Variants in TRPC5 observed in about 807,000 individuals in gnomAD.
TRPC5 encodes short transient receptor potential channel 5.
Under a neutral mutation model 56.5 loss-of-function variants are expected in TRPC5, and 9 were observed. The observed-to-expected ratio is 0.16, with a 90% confidence interval of 0.10 to 0.28. TRPC5 has a LOEUF of 0.28. TRPC5 is among the 10% of genes least tolerant of loss of function. TRPC5 has a pLI of 1.00. For missense variants in TRPC5, 469 were observed against 748.9 expected (o/e 0.63, Z 4.36); for synonymous variants, 282 against 278.5 (o/e 1.01, Z -0.13).
intron 2 of TRPC5, 36 bp from the exon 3 acceptor site, chrX:111,912,848 A>G (rs200809082): frequency 9.3e-5 from 108 of 1,165,104 alleles, no homozygotes; most frequent in Non-Finnish European, 1.2e-4. Context: ...GAAGGGCAGG[A>G]TTAAAGTTTG....
chrX:111,914,476 C>T (rs1925916181), intron 2 of TRPC5, among the ~76,000 whole-genome samples: 3 of 111,871 alleles, frequency 2.7e-5, no homozygotes, highest in Non-Finnish European at 5.6e-5. Context: ...CCACCTTGCA[C>T]GCAGGATTCT....
chrX:111,979,947 T>A (rs755860144), intron 1 of TRPC5, among the ~76,000 whole-genome samples: 1 of 111,770 alleles, frequency 8.9e-6, no homozygotes, highest in Non-Finnish European at 1.9e-5. Flanking sequence ...ATGTACCGTA[T>A]GATCCAGTCT....
At chrX:111,949,931 C>T (rs143971848) in intron 2 of TRPC5, among the ~76,000 whole-genome samples, 3,289 of 111,531 alleles carry the variant, frequency 0.029, 134 homozygotes, top group African/African-American at 0.1. Flanking sequence ...ATTGCAAAAA[C>T]GTGGAACCAA....
chrX:111,862,835 ATCT>A (rs1923442978), intron 3 of TRPC5, among the ~76,000 whole-genome samples: 1 of 112,139 alleles, frequency 8.9e-6, no homozygotes, highest in Admixed American at 9.4e-5. Context: ...ACTTACGTAG[ATCT>A]TCTTTAGTTT....
At chrX:111,844,397 G>A (rs964220262) in intron 6 of TRPC5, among the ~76,000 whole-genome samples, 3 of 110,597 alleles carry the variant, frequency 2.7e-5, no homozygotes, top group African/African-American at 9.9e-5. Context: ...CAAGGACAAT[G>A]AGTTTCCCTT....
chrX:112,073,404 A>G (rs140873358), intron 1 of TRPC5, among the ~76,000 whole-genome samples: 2,483 of 105,655 alleles, frequency 0.024, 68 homozygotes, highest in African/African-American at 0.077. Context: ...TGAGTAGCTG[A>G]GACTACAGGC....
rs375073037 is a variant in TRPC5, at chrX:111,968,589, C to T, written c.-21-16148G>A. Reference sequence around the variant, plus strand: ...TGGAACCAACCCAAATGTCCAACAACGATAGACTGGATTAAGAAAATGTGG... The same window carrying T: ...TGGAACCAACCCAAATGTCCAACAATGATAGACTGGATTAAGAAAATGTGG... On this transcript the variant is annotated intron_variant, in intron 1 of 10. Transcript: ENST00000262839. 7.3e-5 allele frequency among the ~76,000 whole-genome samples: 8 copies of T among 109,511 alleles called. No homozygotes were observed. The South Asian group carries it at 1.6e-3, about 22-fold the overall frequency.
intron 7 of TRPC5, among the ~76,000 whole-genome samples, chrX:111,803,507 T>G (rs898529085): frequency 1.8e-5 from 2 of 112,078 alleles, no homozygotes; most frequent in Non-Finnish European, 3.8e-5. Context: ...CCACATCCTC[T>G]CCAGCATCTG....
intron 7 of TRPC5, among the ~76,000 whole-genome samples, chrX:111,824,802 G>A (rs746540789): frequency 2.7e-5 from 3 of 112,162 alleles, no homozygotes; most frequent in Admixed American, 9.4e-5. Flanking sequence ...TTCACTGCCT[G>A]TTGAAAAGAT....
intron 3 of TRPC5, among the ~76,000 whole-genome samples, chrX:111,855,191 T>TA (rs1030873107): frequency 3.6e-5 from 4 of 112,133 alleles, no homozygotes; most frequent in Non-Finnish European, 7.5e-5. Context: ...ACTGTTAGTT[T>TA]ATCTGTGAAG....
chrX:111,855,358 C>G (rs1330184007), intron 3 of TRPC5, among the ~76,000 whole-genome samples: 2 of 111,472 alleles, frequency 1.8e-5, no homozygotes, highest in Non-Finnish European at 3.8e-5. Flanking sequence ...TAGAAGTTTC[C>G]TATGTGTGCT....
At chrX:111,912,885 T>C (rs1412019460) in intron 2 of TRPC5, 73 bp from the exon 3 acceptor site, 37 of 1,048,211 alleles carry the variant, frequency 3.5e-5, no homozygotes, top group Non-Finnish European at 4.7e-5. Context: ...GCCTATAAAA[T>C]GCTGGCGATT....
At chrX:112,040,207 G>T (rs756293661) in intron 1 of TRPC5, among the ~76,000 whole-genome samples, 7 of 112,140 alleles carry the variant, frequency 6.2e-5, no homozygotes, top group Admixed American at 3.8e-4. Context: ...ACAACCTTTT[G>T]TAGGTCTTTC....
intron 1 of TRPC5, among the ~76,000 whole-genome samples, chrX:112,034,072 A>G (rs1391762937): frequency 4.5e-5 from 5 of 111,977 alleles, no homozygotes; most frequent in African/African-American, 1.6e-4. Flanking sequence ...TGAGCACACG[A>G]AACTTATTCT....
intron 1 of TRPC5, among the ~76,000 whole-genome samples, chrX:111,968,943 T>C (rs1357998938): frequency 9.6e-6 from 1 of 104,456 alleles, no homozygotes; most frequent in South Asian, 4.5e-4. Context: ...ACCTGCACAT[T>C]GCGCACATGT....
At chrX:111,919,530 C>T (rs919207154) in intron 2 of TRPC5, among the ~76,000 whole-genome samples, 1 of 112,297 alleles carries the variant, frequency 8.9e-6, no homozygotes. Flanking sequence ...GAATGAATTC[C>T]AGACACACTT....
chrX:112,023,115 T>C (rs759498276), intron 1 of TRPC5, among the ~76,000 whole-genome samples: 16 of 109,432 alleles, frequency 1.5e-4, no homozygotes, highest in Admixed American at 4.9e-4. Context: ...TTTGTATTTT[T>C]AGTACAGACG....
chrX:111,936,300 T>C (rs980666990), intron 2 of TRPC5, among the ~76,000 whole-genome samples: 6 of 111,741 alleles, frequency 5.4e-5, no homozygotes, highest in Non-Finnish European at 1.1e-4. Context: ...ATGTTGATTT[T>C]ATATCCTGCA....
Position 111,845,315 on chromosome X carries a change from C to T in TRPC5, c.1700+1799G>A, listed in dbSNP as rs549206552. 9.0e-5 allele frequency among the ~76,000 whole-genome samples: 10 copies of T among 111,188 alleles called. No homozygotes were observed. In the South Asian group the frequency reaches 1.2e-3, roughly 13 times the overall value. On this transcript the variant is annotated intron_variant, in intron 6 of 10. Coordinates refer to ENST00000262839, the MANE Select transcript of TRPC5 (RefSeq NM_012471.3). Reference sequence around the variant, plus strand: ...AACATAAATATGAGTCAACCTTCTACGGAGGAAAAAACATCAACTGATAGA... The same window carrying T: ...AACATAAATATGAGTCAACCTTCTATGGAGGAAAAAACATCAACTGATAGA...
Sources: gnomAD v4.1 joint callset for allele counts (sites outside exome capture counted in the v4.1 genomes callset) on GRCh38, gnomAD v4.1.1 for gene constraint, MANE v1.5 for transcripts, NCBI Gene and HGNC (gene_info 2026-07-23, HGNC 2026-07-21) for gene names.